The following TOR1AIP1 variants were observed in gnomAD, a reference collection of about 807,000 sequenced individuals.
TOR1AIP1 encodes the protein torsin 1A interacting protein 1.
In TOR1AIP1, 54 loss-of-function variants were observed where a neutral mutation model predicts 63.3. The ratio of observed to expected loss-of-function variants is 0.85; its 90% CI spans 0.69 to 1.07. The LOEUF (loss-of-function observed/expected upper bound fraction) is 1.07, where lower values mean the gene tolerates loss of function less well. Ranked by LOEUF, TOR1AIP1 falls within the 50% of genes least tolerant of loss-of-function variation. The probability of loss-of-function intolerance (pLI) is 0.00; values close to 1 mark genes in which losing one functional copy is unlikely to be tolerated. For synonymous variants in TOR1AIP1, 294 were observed against 273.5 expected, an observed-to-expected ratio of 1.07 and a Z score of -0.74; for missense variants, 736 against 715.0, an observed-to-expected ratio of 1.03 and a Z score of -0.33.
intron 2 of TOR1AIP1, among the ~76,000 whole-genome samples, chr1:179,886,454 T>C (rs566770): frequency 6.6e-6 from 1 of 152,202 alleles, no homozygotes; most frequent in African/African-American, 2.4e-5. Context: ...ATCTTGAGCC[T>C]TAGGCCTTTA....
chr1:179,915,762 A>C (rs1443205808), intron 9 of TOR1AIP1, among the ~76,000 whole-genome samples: 6 of 152,220 alleles, frequency 3.9e-5, no homozygotes, highest in South Asian at 2.1e-4. Flanking sequence ...CATCTCAGAA[A>C]AAAAAAAGAA....
At chr1:179,915,994 C>T (rs1190561488) in intron 9 of TOR1AIP1, among the ~76,000 whole-genome samples, 1 of 152,184 alleles carries the variant, frequency 6.6e-6, no homozygotes, top group Non-Finnish European at 1.5e-5. Flanking sequence ...AACCATGGTA[C>T]TGTATGATGC....
rs1666600483 is a variant in TOR1AIP1, at chr1:179,882,608, A to G, written c.106A>G (p.Asn36Asp). The change falls in exon 1 of 10, where the codon AAT becomes GAT. Residue 36 changes from asparagine (N) to aspartate (D), a missense_variant. Transcript: ENST00000606911. ...REGRGRLAPQ[N>D]GGSSDAPAYR... ...GGGAAGGGGCCGGCTCGCCCCTCAAAATGGCGGCAGCAGCGATGCGCCTGC... is the reference window on the plus strand; with the variant it reads ...GGGAAGGGGCCGGCTCGCCCCTCAAGATGGCGGCAGCAGCGATGCGCCTGC... 1.3e-6 allele frequency: 2 copies of G among 1,527,148 alleles called. No homozygotes were observed. Among genetic ancestry groups the G allele is most frequent in the African/African-American group, 1.4e-5 (1 of 71,938 alleles). 94.6% of individuals were successfully genotyped at this position (1,527,148 alleles called of 1,614,324 possible).
At chr1:179,908,939 G>A (rs1360235991) in intron 8 of TOR1AIP1, among the ~76,000 whole-genome samples, 2 of 152,218 alleles carry the variant, frequency 1.3e-5, no homozygotes, top group African/African-American at 2.4e-5. Flanking sequence ...GCCGAGGTGG[G>A]TGGATCACGA....
chr1:179,904,257 T>C (rs1360221033), intron 6 of TOR1AIP1, among the ~76,000 whole-genome samples: 1 of 152,232 alleles, frequency 6.6e-6, no homozygotes, highest in Non-Finnish European at 1.5e-5. Context: ...CTACTTCCTG[T>C]GATTTGTTGA....
At position 179,882,372 on chromosome 1, in the gene TOR1AIP1, CGACT is replaced by C; in HGVS notation, c.-130_-127del. 8 of 928,204 alleles carry C rather than the reference CGACT, an allele frequency of 8.6e-6. No homozygotes were observed. The allele number at this position is 928,204 out of a possible 1,614,324, so 57.5% of individuals were successfully genotyped here. ...GCGACGACGCAGGCGGCGGCCCCAG[CGACT>C]CGCAACTGCCTCCCTGACCACAGCG... On this transcript the variant is annotated 5_prime_UTR_variant, in exon 1 of 10. An upstream open reading frame in the 5' UTR loses its in-frame stop. Coordinates refer to ENST00000606911, the MANE Select transcript of TOR1AIP1 (RefSeq NM_015602.4).
At chr1:179,916,668 G>A (rs761724569) in intron 9 of TOR1AIP1, among the ~76,000 whole-genome samples, 4 of 148,902 alleles carry the variant, frequency 2.7e-5, no homozygotes, top group African/African-American at 4.9e-5. Context: ...ATTATAACAC[G>A]TAGAAGATGT....
At chr1:179,900,764 TTAAAG>T (rs939807394) in intron 4 of TOR1AIP1, among the ~76,000 whole-genome samples, 3 of 152,200 alleles carry the variant, frequency 2.0e-5, no homozygotes, top group Admixed American at 6.5e-5. Flanking sequence ...TATTATGGTA[TTAAAG>T]TAATCAGTTT....
chr1:179,913,800 A>G (rs1021724011), intron 8 of TOR1AIP1, among the ~76,000 whole-genome samples, 198 bp from the exon 9 acceptor site: 10 of 152,232 alleles, frequency 6.6e-5, no homozygotes, highest in African/African-American at 2.4e-4. Flanking sequence ...GTGAAAAGCT[A>G]TGAAAGAAAT....
chr1:179,884,999 G>A (rs1441872831), intron 2 of TOR1AIP1, among the ~76,000 whole-genome samples: 1 of 152,168 alleles, frequency 6.6e-6, no homozygotes, highest in African/African-American at 2.4e-5. Context: ...ATATGTGACT[G>A]AGCCAAAATT....
At chr1:179,910,630 A>T (rs549552919) in intron 8 of TOR1AIP1, among the ~76,000 whole-genome samples, 2 of 152,348 alleles carry the variant, frequency 1.3e-5, no homozygotes, top group Non-Finnish European at 1.5e-5. Context: ...AACATTAATT[A>T]TTCAGCTTAT....
At chr1:179,910,402 A>C (rs1648795610) in intron 8 of TOR1AIP1, among the ~76,000 whole-genome samples, 1 of 152,180 alleles carries the variant, frequency 6.6e-6, no homozygotes, top group African/African-American at 2.4e-5. Flanking sequence ...CTGCTTTTCC[A>C]TCAGTAAAGT....
At chr1:179,917,391 A>G in intron 9 of TOR1AIP1, 61 bp from the exon 10 acceptor site, 1 of 1,412,536 alleles carries the variant, frequency 7.1e-7, no homozygotes. Context: ...TTTAAAAGTC[A>G]CTTGCCCCTG....
intron 3 of TOR1AIP1, among the ~76,000 whole-genome samples, chr1:179,895,954 G>A (rs994593946): frequency 1.3e-5 from 2 of 151,818 alleles, no homozygotes; most frequent in African/African-American, 4.8e-5. Flanking sequence ...AAAATCTAAT[G>A]CTTTAACTTT....
intron 3 of TOR1AIP1, among the ~76,000 whole-genome samples, chr1:179,899,683 C>T (rs1040553680): frequency 2.0e-5 from 3 of 152,172 alleles, no homozygotes; most frequent in Non-Finnish European, 2.9e-5. Flanking sequence ...CTTGCTCTGT[C>T]GCCCAGGCTG....
At chr1:179,910,244 A>G (rs1648790153) in intron 8 of TOR1AIP1, among the ~76,000 whole-genome samples, 1 of 151,650 alleles carries the variant, frequency 6.6e-6, no homozygotes, top group Non-Finnish European at 1.5e-5. Flanking sequence ...GTGACCTTTA[A>G]CCTCCCTACT....
In TOR1AIP1 at chr1:179,908,641, C is replaced by T. The variant is rs1371549457; in HGVS notation, c.875C>T (p.Pro292Leu). The change falls in exon 8 of 10, where the codon CCA becomes CTA. Residue 292 changes from proline to leucine, a missense_variant. Physicochemically the swap from Pro to Leu is moderately conservative, Grantham distance 98. Coordinates refer to ENST00000606911, the MANE Select transcript of TOR1AIP1 (RefSeq NM_015602.4). ...GYQKTPQEWAPQTARIRTRMQ... is the reference protein window; with the variant it reads ...GYQKTPQEWALQTARIRTRMQ... ...CAAAAAACTCCCCAGGAATGGGCCC[C>T]ACAAACTGCAAGAATAAGGACCAGG... 4 of 1,613,552 alleles carry T rather than the reference C, an allele frequency of 2.5e-6. No homozygotes were observed. The highest frequency in any genetic ancestry group is 3.4e-6 in the Non-Finnish European group (4 of 1,179,622).
rs374418323 is a variant in TOR1AIP1 at position 179,917,842 on chromosome 1, A to G, written c.1355A>G (p.Gln452Arg). The G allele has an allele frequency of 2.0e-5, 32 of 1,614,106 alleles. No individual in the cohort carries two copies. Among genetic ancestry groups the G allele is most frequent in the Middle Eastern group, 3.3e-4 (2 of 6,084 alleles). Reference protein sequence around the residue: ...IRIDGTDKATQDSDTVKLEVD... With the variant: ...IRIDGTDKATRDSDTVKLEVD... ...ATTGATGGGACAGATAAAGCTACTC[A>G]AGACAGTGATACTGTCAAACTAGAG... The change falls in exon 10 of 10, where the codon CAA (glutamine) becomes CGA (arginine). Residue 452 changes from glutamine to arginine, a missense_variant. Physicochemically the swap from Gln to Arg is conservative, Grantham distance 43. Coordinates refer to ENST00000606911, the MANE Select transcript of TOR1AIP1 (RefSeq NM_015602.4).
In TOR1AIP1 at chr1:179,900,281, G is replaced by A. The variant is rs112435086; in HGVS notation, c.652+114G>A. On this transcript the variant is annotated intron_variant, in intron 4 of 9. Transcript: ENST00000606911. ...AACAGAGCCGGGGACTGTGGCACATGCCTGTAGTCTCAGCTACTCGGGAGG... is the reference window on the plus strand; with the variant it reads ...AACAGAGCCGGGGACTGTGGCACATACCTGTAGTCTCAGCTACTCGGGAGG... 1.3e-3 allele frequency: 848 copies of A among 659,930 alleles called. 5 individuals are homozygous for A. In the African/African-American group the frequency reaches 0.013, roughly 10 times the overall value. The allele number at this position is 659,930 out of a possible 1,614,324, so 40.9% of individuals were successfully genotyped here.
Sources: allele counts gnomAD v4.1 joint callset (sites outside exome capture counted in the v4.1 genomes callset), GRCh38; gene constraint gnomAD v4.1.1; transcripts MANE v1.5; gene names NCBI Gene and HGNC (gene_info 2026-07-23, HGNC 2026-07-21).